Variants in LIMD1 observed in about 807,000 individuals in gnomAD.
LIMD1 encodes LIM domain-containing protein 1.
A neutral mutation model predicts 58.4 loss-of-function variants in LIMD1; 23 were observed. That is an observed-to-expected ratio of 0.39 (90% CI 0.28 to 0.56). The LOEUF is 0.56. Among genes scored for constraint, LIMD1 ranks in the 20% least tolerant of loss-of-function variants. The pLI is 0.57. For synonymous variants in LIMD1, 334 were observed against 345.5 expected (o/e 0.97, Z 0.37); for missense variants, 838 against 855.5 (o/e 0.98, Z 0.25).
intron 1 of LIMD1, among the ~76,000 whole-genome samples, chr3:45,597,659 G>A (rs1701371121): frequency 6.6e-6 from 1 of 152,182 alleles, no homozygotes; most frequent in African/African-American, 2.4e-5. Flanking sequence ...ATTGACCCCC[G>A]TGTTCCCCAT....
chr3:45,639,163 C>A (rs1165632095), intron 2 of LIMD1, among the ~76,000 whole-genome samples: 5 of 152,236 alleles, frequency 3.3e-5, no homozygotes, highest in Non-Finnish European at 5.9e-5. Context: ...AGCCACCACA[C>A]CTGACCCTTG....
intron 1 of LIMD1, among the ~76,000 whole-genome samples, chr3:45,616,150 AG>A (rs1031781674): frequency 2.0e-5 from 3 of 152,194 alleles, no homozygotes; most frequent in Non-Finnish European, 2.9e-5. Flanking sequence ...TATTTTTCGC[AG>A]GAATGGCTGG....
chr3:45,662,575 G>T (rs926851456), intron 2 of LIMD1, among the ~76,000 whole-genome samples: 16 of 151,992 alleles, frequency 1.1e-4, no homozygotes, highest in African/African-American at 3.9e-4. Flanking sequence ...ATAAAAATTG[G>T]AATCATCTTG....
chr3:45,609,912 G>T (rs151014597), intron 1 of LIMD1, among the ~76,000 whole-genome samples: 19 of 152,340 alleles, frequency 1.2e-4, no homozygotes, highest in African/African-American at 4.3e-4. Context: ...TACTGAATGA[G>T]GCTGGGTGCG....
chr3:45,671,449 G>C (rs1393609610), intron 4 of LIMD1, among the ~76,000 whole-genome samples: 1 of 152,210 alleles, frequency 6.6e-6, no homozygotes, highest in Non-Finnish European at 1.5e-5. Context: ...GGATGCTGAT[G>C]ACCGTTCTGT....
chr3:45,682,538 C>G lies in LIMD1; in HGVS notation c.*5479C>G, dbSNP rs1697757914. The G allele has an allele frequency of 1.3e-5, 2 of 152,532 alleles. No homozygotes were observed. Among genetic ancestry groups the G allele is most frequent in the African/African-American group, 4.8e-5 (2 of 41,582 alleles). 9.4% of individuals were successfully genotyped at this position (152,532 alleles called of 1,614,324 possible). A position where few individuals can be genotyped will look rare whatever the true frequency, so the allele number is the denominator to read the frequency against. On this transcript the variant is annotated 3_prime_UTR_variant, in exon 8 of 8. Coordinates refer to ENST00000273317, the MANE Select transcript of LIMD1 (RefSeq NM_014240.3). ...TCTAAGTGCTGTGATGAAGCAGTAG[C>G]AGCTGTAATAGCTGGCATTTCCCGT...
rs1004759987 is a variant in LIMD1, at chr3:45,681,034, A to G, written c.*3975A>G. On this transcript the variant is annotated 3_prime_UTR_variant, in exon 8 of 8. Transcript: ENST00000273317. ...CAAAAAAAAAAAAAAAAGTAACAGAAAAAAGAGTGAAATATATTAGCTATC... is the reference window on the plus strand; with the variant it reads ...CAAAAAAAAAAAAAAAAGTAACAGAGAAAAGAGTGAAATATATTAGCTATC... The G allele has an allele frequency of 2.0e-5, 3 of 152,180 alleles. No individual in the cohort carries two copies. Among genetic ancestry groups the G allele is most frequent in the Admixed American group, 6.5e-5 (1 of 15,290 alleles). The allele number at this position is 152,180 out of a possible 1,614,324, so 9.4% of individuals were successfully genotyped here. A position where few individuals can be genotyped will look rare whatever the true frequency, so the allele number is the denominator to read the frequency against.
chr3:45,667,584 G>A (rs1294374318), intron 3 of LIMD1, among the ~76,000 whole-genome samples: 2 of 150,282 alleles, frequency 1.3e-5, no homozygotes, highest in African/African-American at 2.5e-5. Flanking sequence ...AGCACCTCAT[G>A]TCTTTCAAGA....
chr3:45,601,810 A>G (rs1701415614), intron 1 of LIMD1, among the ~76,000 whole-genome samples: 1 of 152,164 alleles, frequency 6.6e-6, no homozygotes, highest in South Asian at 2.1e-4. Context: ...TGGTGGGACT[A>G]GGTGGTCTCT....
intron 1 of LIMD1, among the ~76,000 whole-genome samples, chr3:45,611,768 A>G (rs943543520): frequency 6.6e-6 from 1 of 152,184 alleles, no homozygotes; most frequent in African/African-American, 2.4e-5. Flanking sequence ...TGCAGGTGGC[A>G]GGGACTTACA....
intron 1 of LIMD1, among the ~76,000 whole-genome samples, chr3:45,626,130 A>G (rs966702177): frequency 1.2e-4 from 18 of 152,342 alleles, no homozygotes; most frequent in African/African-American, 4.3e-4. Flanking sequence ...TCCTGTGAGA[A>G]TATTATGATT....
chr3:45,595,185 T>A lies in LIMD1; in HGVS notation c.306T>A (p.Ala102=). The change falls in exon 1 of 8, where the codon GCT becomes GCA. Residue 102 remains alanine, a synonymous_variant. Coordinates refer to ENST00000273317, the MANE Select transcript of LIMD1 (RefSeq NM_014240.3). ...GCAGCAAGCTGACTGTGGATGGTGC[T>A]GCCAAGCCTCCTCTTGCTGCCTCGA... ...VVGSKLTVDG[A]AKPPLAASTG... 1 of 1,602,982 alleles carries A rather than the reference T, an allele frequency of 6.2e-7. No homozygotes were observed. Among genetic ancestry groups the A allele is most frequent in the Non-Finnish European group, 8.5e-7 (1 of 1,174,588 alleles).
chr3:45,606,826 G>A lies in LIMD1; in HGVS notation c.1408+10539G>A, dbSNP rs192270764. On this transcript the variant is annotated intron_variant, in intron 1 of 7. Transcript: ENST00000273317. The stretch of plus-strand genomic sequence containing the variant: ...TCTTTTGTTTTTGAGGCAGAGTCTC[G>A]CTCTGTTGCCCAGGCTGGAGTGCAG... Among the ~76,000 whole-genome samples, 7 of 152,248 alleles carry A rather than the reference G, an allele frequency of 4.6e-5. No individual in the cohort carries two copies. The East Asian group carries it at 1.4e-3, about 29-fold the overall frequency.
At chr3:45,615,516 G>A (rs1701567711) in intron 1 of LIMD1, among the ~76,000 whole-genome samples, 1 of 152,182 alleles carries the variant, frequency 6.6e-6, no homozygotes, top group Non-Finnish European at 1.5e-5. Context: ...CACTTTGGGA[G>A]GCTGAGGGGA....
intron 1 of LIMD1, among the ~76,000 whole-genome samples, chr3:45,611,326 G>A (rs1701520419): frequency 1.3e-5 from 2 of 152,226 alleles, no homozygotes; most frequent in African/African-American, 2.4e-5. Flanking sequence ...GCCTTAGAAC[G>A]AATCCGTTCC....
chr3:45,661,601 A>T, intron 2 of LIMD1, among the ~76,000 whole-genome samples: 1 of 152,354 alleles, frequency 6.6e-6, no homozygotes, highest in Admixed American at 6.5e-5. Context: ...AATTCTACTG[A>T]CATTTAATAC....
At position 45,594,828 on chromosome 3, in the gene LIMD1, C is replaced by CACACACACACAA; in HGVS notation, c.-41_-40insAACACACACACA. On this transcript the variant is annotated 5_prime_UTR_variant, in exon 1 of 8. Transcript: ENST00000273317. ...ACACACACACACACACACACACACA[C>CACACACACACAA]ACACACACACACACACGGCACCTGG... The CACACACACACAA allele has an allele frequency of 2.2e-6, 2 of 894,982 alleles. No homozygotes were observed. Among genetic ancestry groups the CACACACACACAA allele is most frequent in the Non-Finnish European group, 1.7e-6 (1 of 590,428 alleles). 55.4% of individuals were successfully genotyped at this position (894,982 alleles called of 1,614,324 possible).
chr3:45,623,576 A>G (rs1701645372), intron 1 of LIMD1, among the ~76,000 whole-genome samples: 1 of 152,178 alleles, frequency 6.6e-6, no homozygotes, highest in Non-Finnish European at 1.5e-5. Flanking sequence ...TTTTGAGGCC[A>G]TGTGTGTTTT....
chr3:45,654,812 CAA>C (rs1227980901), intron 2 of LIMD1, among the ~76,000 whole-genome samples: 12 of 56,500 alleles, frequency 2.1e-4, no homozygotes, highest in Admixed American at 1.9e-4. Context: ...GACCCTGTCT[CAA>C]AAAAAAAAAA....
Sources: gnomAD v4.1 joint callset for allele counts (sites outside exome capture counted in the v4.1 genomes callset) on GRCh38, gnomAD v4.1.1 for gene constraint, MANE v1.5 for transcripts, NCBI Gene and HGNC (gene_info 2026-07-23, HGNC 2026-07-21) for gene names.